TGFB2: variants seen among roughly 807,000 people sequenced by gnomAD.
TGFB2 encodes the protein transforming growth factor beta-2 proprotein.
A neutral mutation model predicts 42.7 loss-of-function variants in TGFB2; 13 were observed. The ratio of observed to expected loss-of-function variants is 0.30; its 90% CI spans 0.20 to 0.48. The LOEUF (loss-of-function observed/expected upper bound fraction) is 0.48. Ranked by LOEUF, TGFB2 falls within the 20% of genes least tolerant of loss-of-function variation. TGFB2 has a pLI of 0.99. For synonymous variants in TGFB2, 193 were observed against 193.6 expected (o/e 1.00, Z 0.03); for missense variants, 390 against 517.5 (o/e 0.75, Z 2.39).
At chr1:218,348,646 G>A (rs1656770993) in intron 1 of TGFB2, among the ~76,000 whole-genome samples, 1 of 152,204 alleles carries the variant, frequency 6.6e-6, no homozygotes, top group South Asian at 2.1e-4. Context: ...GGGAAGTAAA[G>A]CTTTCTATCT....
At chr1:218,426,756 A>G (rs548418747) in intron 2 of TGFB2, among the ~76,000 whole-genome samples, 1 of 152,310 alleles carries the variant, frequency 6.6e-6, no homozygotes, top group South Asian at 2.1e-4. Flanking sequence ...AGAGAGAAAC[A>G]GAAAGAGAGA....
chr1:218,358,930 C>T (rs1209309043), intron 1 of TGFB2, among the ~76,000 whole-genome samples: 1 of 152,158 alleles, frequency 6.6e-6, no homozygotes, highest in East Asian at 1.9e-4. Context: ...GATAAAGAAA[C>T]AATCACAGAT....
intron 1 of TGFB2, among the ~76,000 whole-genome samples, chr1:218,352,273 G>A (rs972850820): frequency 7.9e-5 from 12 of 152,086 alleles, no homozygotes; most frequent in African/African-American, 2.9e-4. Flanking sequence ...AGAGGATTTG[G>A]ATTTGCCAGA....
chr1:218,402,140 C>A (rs1658743019), intron 1 of TGFB2, among the ~76,000 whole-genome samples: 1 of 152,170 alleles, frequency 6.6e-6, no homozygotes, highest in African/African-American at 2.4e-5. Context: ...ACCGGCTCCT[C>A]CCGGCCTGGT....
At chr1:218,383,227 G>T (rs943259244) in intron 1 of TGFB2, among the ~76,000 whole-genome samples, 1 of 152,094 alleles carries the variant, frequency 6.6e-6, no homozygotes, top group African/African-American at 2.4e-5. Context: ...TGCAACCAGG[G>T]GTTTAATTAG....
Position 218,347,063 on chromosome 1 carries a change from G to C in TGFB2, c.346+16G>C. 1.3e-6 allele frequency: 2 copies of C among 1,554,918 alleles called. No homozygotes were observed. Among genetic ancestry groups the C allele is most frequent in the Non-Finnish European group, 1.7e-6 (2 of 1,149,144 alleles). On this transcript the variant is annotated intron_variant, in intron 1 of 6. Coordinates refer to ENST00000366930, the MANE Select transcript of TGFB2 (RefSeq NM_003238.6). ...CCCTCCGAAAGTAAGTACTTATTTT[G>C]ACTTCCATCCCCTGAGGTTTAGCTC...
chr1:218,427,872 T>C (rs1340718746), intron 2 of TGFB2, among the ~76,000 whole-genome samples: 2 of 152,214 alleles, frequency 1.3e-5, no homozygotes, highest in African/African-American at 4.8e-5. Flanking sequence ...CTGGGTCAAA[T>C]GGTATTTCTA....
chr1:218,441,162 C>T (rs1285165484), intron 6 of TGFB2, 42 bp from the exon 7 acceptor site: 7 of 1,555,900 alleles, frequency 4.5e-6, no homozygotes, highest in Non-Finnish European at 6.1e-6. Context: ...GTTCATTTTC[C>T]GTCTTTCCCT....
At chr1:218,436,490 A>T (rs957321771) in intron 5 of TGFB2, among the ~76,000 whole-genome samples, 2 of 152,196 alleles carry the variant, frequency 1.3e-5, no homozygotes, top group Non-Finnish European at 2.9e-5. Context: ...ATTAAGAAAG[A>T]CCCACCATCT....
intron 1 of TGFB2, among the ~76,000 whole-genome samples, chr1:218,393,320 G>T (rs1443395048): frequency 2.6e-5 from 4 of 152,170 alleles, no homozygotes; most frequent in African/African-American, 9.7e-5. Context: ...CCAATGCTTG[G>T]TGTCATCCTG....
chr1:218,365,644 G>A (rs1176463305), intron 1 of TGFB2, among the ~76,000 whole-genome samples: 1 of 151,214 alleles, frequency 6.6e-6, no homozygotes, highest in East Asian at 2.0e-4. Context: ...CTGCAAGGCT[G>A]CTGAGCAGTG....
At chr1:218,349,018 C>T (rs1656785092) in intron 1 of TGFB2, among the ~76,000 whole-genome samples, 2 of 152,142 alleles carry the variant, frequency 1.3e-5, no homozygotes, top group African/African-American at 2.4e-5. Flanking sequence ...CATCAACAAA[C>T]TGGAAAAATT....
chr1:218,429,140 C>A (rs1443445775), intron 2 of TGFB2, among the ~76,000 whole-genome samples: 1 of 151,982 alleles, frequency 6.6e-6, no homozygotes, highest in Admixed American at 6.6e-5. Context: ...GCCACAACAC[C>A]CAGCTAATTT....
At chr1:218,427,569 G>A (rs1659665101) in intron 2 of TGFB2, among the ~76,000 whole-genome samples, 1 of 152,072 alleles carries the variant, frequency 6.6e-6, no homozygotes, top group African/African-American at 2.4e-5. Flanking sequence ...CCACCTATGA[G>A]TGAGAACATG....
intron 1 of TGFB2, among the ~76,000 whole-genome samples, chr1:218,362,874 A>G (rs1295614562): frequency 5.3e-5 from 8 of 152,216 alleles, no homozygotes; most frequent in Non-Finnish European, 7.3e-5. Context: ...AGGAGTTTTC[A>G]CATGCGGGTT....
chr1:218,361,987 C>A (rs1397293517), intron 1 of TGFB2, among the ~76,000 whole-genome samples: 1 of 152,142 alleles, frequency 6.6e-6, no homozygotes, highest in African/African-American at 2.4e-5. Context: ...CAGTCAGAGC[C>A]CCATATCTCA....
At chr1:218,409,553 G>A (rs1360542461) in intron 2 of TGFB2, among the ~76,000 whole-genome samples, 1 of 152,108 alleles carries the variant, frequency 6.6e-6, no homozygotes, top group Non-Finnish European at 1.5e-5. Flanking sequence ...AATTGATGCC[G>A]ATGGTAATAA....
intron 2 of TGFB2, among the ~76,000 whole-genome samples, chr1:218,424,193 G>A (rs762722976): frequency 6.6e-6 from 1 of 152,206 alleles, no homozygotes; most frequent in Non-Finnish European, 1.5e-5. Flanking sequence ...GCCAGCAACA[G>A]GTTCTGGTTT....
chr1:218,411,087 C>T (rs1659080620), intron 2 of TGFB2, among the ~76,000 whole-genome samples: 1 of 152,180 alleles, frequency 6.6e-6, no homozygotes, highest in Non-Finnish European at 1.5e-5. Context: ...CCTCAGAGGA[C>T]TTGGAGCTCT....
Sources: allele counts gnomAD v4.1 joint callset (sites outside exome capture counted in the v4.1 genomes callset), GRCh38; gene constraint gnomAD v4.1.1; transcripts MANE v1.5; gene names NCBI Gene and HGNC (gene_info 2026-07-23, HGNC 2026-07-21).